Variants in SLC24A2 observed in about 807,000 individuals in gnomAD.
SLC24A2 encodes the protein solute carrier family 24 member 2.
SLC24A2 carries 36 observed loss-of-function variants against 62.0 expected under a neutral mutation model. That is an observed-to-expected ratio of 0.58 (90% CI 0.44 to 0.77). The LOEUF (loss-of-function observed/expected upper bound fraction) is 0.77, where lower values mean the gene tolerates loss of function less well. SLC24A2 is among the 30% of genes least tolerant of loss of function. SLC24A2 has a pLI of 0.00. For synonymous variants in SLC24A2, 358 were observed against 294.0 expected (o/e 1.22, Z -2.23); for missense variants, 846 against 817.9 (o/e 1.03, Z -0.42).
chr9:20,120,643 C>T, the SLC24A2 span, among the ~76,000 whole-genome samples: 1 of 151,834 alleles, frequency 6.6e-6, no homozygotes, highest in Non-Finnish European at 1.5e-5. Flanking sequence ...TATATCAAAC[C>T]CCATGTAACA....
In SLC24A2 at chr9:19,508,824, T is replaced by G. The variant is rs185111774; in HGVS notation, c.*7329A>C. On this transcript the variant is annotated 3_prime_UTR_variant, in exon 11 of 11. Coordinates refer to ENST00000341998, the MANE Select transcript of SLC24A2 (RefSeq NM_020344.4). ...AAAAAAATTATATAAAAATTTGTGA[T>G]GAAGTTGAAACATTAAAGTTTTTAG... The G allele has an allele frequency of 6.6e-6, 1 of 152,060 alleles. No homozygotes were observed. The highest frequency in any genetic ancestry group is 1.5e-5 in the Non-Finnish European group (1 of 68,026). 9.4% of individuals were successfully genotyped at this position (152,060 alleles called of 1,614,324 possible). A position where few individuals can be genotyped will look rare whatever the true frequency, so the allele number is the denominator to read the frequency against.
the SLC24A2 span, among the ~76,000 whole-genome samples, chr9:20,008,604 A>G: frequency 2.6e-5 from 4 of 152,076 alleles, no homozygotes; most frequent in African/African-American, 9.7e-5. Context: ...ATCCTCTTAT[A>G]TTCCCTAAAA....
the SLC24A2 span, among the ~76,000 whole-genome samples, chr9:19,884,163 C>A: frequency 6.6e-6 from 1 of 152,188 alleles, no homozygotes; most frequent in South Asian, 2.1e-4. Context: ...TCTAGAAATT[C>A]ATCTATAATG....
chr9:20,112,246 A>G, the SLC24A2 span, among the ~76,000 whole-genome samples: 1 of 152,222 alleles, frequency 6.6e-6, no homozygotes, highest in Non-Finnish European at 1.5e-5. Flanking sequence ...ATTTCGTCAA[A>G]GTAAGAACAC....
the SLC24A2 span, among the ~76,000 whole-genome samples, chr9:19,882,629 G>A: frequency 1.3e-5 from 2 of 150,376 alleles, no homozygotes; most frequent in Non-Finnish European, 2.9e-5. Context: ...TGGGGATTTG[G>A]TCCCTCTGCA....
chr9:20,093,273 T>C, the SLC24A2 span, among the ~76,000 whole-genome samples: 1 of 152,036 alleles, frequency 6.6e-6, no homozygotes, highest in Non-Finnish European at 1.5e-5. Context: ...GGTTTCTCCA[T>C]GTCAGTCAGG....
the SLC24A2 span, among the ~76,000 whole-genome samples, chr9:19,982,307 C>T: frequency 4.7e-4 from 72 of 152,112 alleles, no homozygotes; most frequent in African/African-American, 1.7e-3. Context: ...TGTTTGTTGG[C>T]GGAGGAGAAA....
At chr9:19,716,297 A>C (rs77972556) in intron 2 of SLC24A2, among the ~76,000 whole-genome samples, 4,213 of 152,268 alleles carry the variant, frequency 0.028, 220 homozygotes, top group African/African-American at 0.096. Flanking sequence ...GCAACTTTTT[A>C]TTGATGAATG....
chr9:20,150,090 T>C, the SLC24A2 span, among the ~76,000 whole-genome samples: 1 of 152,146 alleles, frequency 6.6e-6, no homozygotes, highest in Admixed American at 6.6e-5. Flanking sequence ...ATTTATCATA[T>C]TCCCTTCTCT....
At position 19,510,927 on chromosome 9, in the gene SLC24A2, C is replaced by T. The variant is rs1444179504; in HGVS notation, c.*5226G>A. 1 of 152,156 alleles carries T rather than the reference C, an allele frequency of 6.6e-6. No individual in the cohort carries two copies. Among genetic ancestry groups the T allele is most frequent in the Non-Finnish European group, 1.5e-5 (1 of 68,068 alleles). 9.4% of individuals were successfully genotyped at this position (152,156 alleles called of 1,614,324 possible). The stretch of plus-strand genomic sequence containing the variant: ...TCTTACTCTTTCTTAAGAAATCTGT[C>T]CCTAGCCATATTAAGGGCCTCTGTG... On this transcript the variant is annotated 3_prime_UTR_variant, in exon 11 of 11. Transcript: ENST00000341998.
chr9:19,697,949 T>C (rs933869997), intron 2 of SLC24A2, among the ~76,000 whole-genome samples: 99 of 152,292 alleles, frequency 6.5e-4, no homozygotes, highest in African/African-American at 2.3e-3. Flanking sequence ...TATGTAAATA[T>C]ATATTAAGAC....
chr9:20,258,985 G>T, the SLC24A2 span, among the ~76,000 whole-genome samples: 1 of 152,004 alleles, frequency 6.6e-6, no homozygotes, highest in Admixed American at 6.6e-5. Context: ...GGATTATCTG[G>T]GTGGTTAAAG....
chr9:19,697,766 C>G (rs967179274), intron 2 of SLC24A2, among the ~76,000 whole-genome samples: 4 of 152,070 alleles, frequency 2.6e-5, no homozygotes, highest in African/African-American at 4.8e-5. Flanking sequence ...TTCATACTTT[C>G]CATTTTTCAT....
chr9:19,797,618 G>C, the SLC24A2 span, among the ~76,000 whole-genome samples: 5 of 152,312 alleles, frequency 3.3e-5, no homozygotes, highest in South Asian at 1.0e-3. Context: ...CCCAGGGCAG[G>C]TTCTCTAAGC....
Position 19,515,946 on chromosome 9 carries a change from C to G in SLC24A2, c.*207G>C, listed in dbSNP as rs1832904392. Reference sequence around the variant, plus strand: ...TATTGACGGTTCTCTTTGTCTTTTACATGAAGTCATTTCAGTAGGCAGGGT... The same window carrying G: ...TATTGACGGTTCTCTTTGTCTTTTAGATGAAGTCATTTCAGTAGGCAGGGT... On this transcript the variant is annotated 3_prime_UTR_variant, in exon 11 of 11. Transcript: ENST00000341998. 1.6e-6 allele frequency: 1 copy of G among 636,746 alleles called. No individual in the cohort carries two copies. Among genetic ancestry groups the G allele is most frequent in the African/African-American group, 1.8e-5 (1 of 55,266 alleles). 39.4% of individuals were successfully genotyped at this position (636,746 alleles called of 1,614,324 possible).
At chr9:20,109,255 A>C in the SLC24A2 span, among the ~76,000 whole-genome samples, 1 of 152,214 alleles carries the variant, frequency 6.6e-6, no homozygotes. Flanking sequence ...TGTAACCTCA[A>C]ATCTAATGCA....
chr9:20,241,296 C>A, the SLC24A2 span, among the ~76,000 whole-genome samples: 1 of 152,176 alleles, frequency 6.6e-6, no homozygotes, highest in Non-Finnish European at 1.5e-5. Flanking sequence ...TAAGCACCTA[C>A]TGTGTGCAAT....
At chr9:19,976,581 A>G in the SLC24A2 span, among the ~76,000 whole-genome samples, 2,037 of 152,336 alleles carry the variant, frequency 0.013, 48 homozygotes, top group African/African-American at 0.047. Flanking sequence ...TTTTCTTCAT[A>G]AATTACCTAG....
At chr9:20,275,569 G>C in the SLC24A2 span, among the ~76,000 whole-genome samples, 3 of 152,224 alleles carry the variant, frequency 2.0e-5, no homozygotes, top group South Asian at 4.1e-4. Flanking sequence ...GCTCTGATGA[G>C]GCCTTTTTCC....
Sources: gnomAD v4.1 joint callset for allele counts (sites outside exome capture counted in the v4.1 genomes callset) on GRCh38, gnomAD v4.1.1 for gene constraint, MANE v1.5 for transcripts, NCBI Gene and HGNC (gene_info 2026-07-23, HGNC 2026-07-21) for gene names.